The following CADPS variants were observed in gnomAD, a reference collection of about 807,000 sequenced individuals.
CADPS encodes the protein calcium dependent secretion activator.
In CADPS, 57 loss-of-function variants were observed where a neutral mutation model predicts 167.3. That is an observed-to-expected ratio of 0.34 (90% CI 0.28 to 0.42). The LOEUF (loss-of-function observed/expected upper bound fraction) is 0.42, where lower values mean the gene tolerates loss of function less well. CADPS is among the 20% of genes least tolerant of loss of function. CADPS has a pLI of 1.00. For missense variants in CADPS, 1,414 were observed against 1,738.1 expected (o/e 0.81, Z 3.32); for synonymous variants, 676 against 635.3 (o/e 1.06, Z -0.96).
At chr3:62,592,837 G>A (rs1224530731) in intron 6 of CADPS, 89 bp from the exon 7 acceptor site, 2 of 902,526 alleles carry the variant, frequency 2.2e-6, no homozygotes, top group Non-Finnish European at 3.4e-6. Flanking sequence ...GTGAATGCAG[G>A]GTTAACCCAA....
chr3:62,420,861 AACACACACACACACAC>A lies in CADPS; in HGVS notation c.3777+17227_3777+17242del, dbSNP rs775850925. ...TTTTCTCTTTATGGGAGGGAGAACGAACACACACACACACACACACACACACACACACACACACACA... is the reference window on the plus strand; with the variant it reads ...TTTTCTCTTTATGGGAGGGAGAACGAACACACACACACACACACACACACA... On this transcript the variant is annotated intron_variant, in intron 28 of 29. Coordinates refer to ENST00000383710, the MANE Select transcript of CADPS (RefSeq NM_003716.4). This position sits in a 1 kb window ranked among gnomAD's most constrained non-coding sequence, Gnocchi z 4.1. 9.7e-4 allele frequency among the ~76,000 whole-genome samples: 130 copies of A among 133,940 alleles called. 1 individual carries two copies. The highest frequency in any genetic ancestry group is 3.7e-3 in the Middle Eastern group (1 of 272). The allele number at this position is 133,940 out of a possible 152,430, so 87.9% of individuals were successfully genotyped here. A position where few individuals can be genotyped will look rare whatever the true frequency, so the allele number is the denominator to read the frequency against.
chr3:62,838,485 CTG>C (rs2076210857), intron 1 of CADPS, among the ~76,000 whole-genome samples: 4 of 152,098 alleles, frequency 2.6e-5, no homozygotes. Flanking sequence ...TTTAGGGAAT[CTG>C]TGAAATCCCT....
chr3:62,681,712 T>C (rs1182581282), intron 3 of CADPS, among the ~76,000 whole-genome samples: 2 of 152,082 alleles, frequency 1.3e-5, no homozygotes, highest in South Asian at 4.1e-4. Flanking sequence ...TCCCATGTAA[T>C]GCAGTCCCTC....
In CADPS at chr3:62,874,527, G is replaced by A. The variant is rs2083298652; in HGVS notation, c.441+62C>T. 5.2e-6 allele frequency: 7 copies of A among 1,334,090 alleles called. No individual in the cohort carries two copies. The East Asian group carries it at 1.8e-4, about 35-fold the overall frequency. The allele number at this position is 1,334,090 out of a possible 1,614,324, so 82.6% of individuals were successfully genotyped here. A position where few individuals can be genotyped will look rare whatever the true frequency, so the allele number is the denominator to read the frequency against. On this transcript the variant is annotated intron_variant, in intron 1 of 29. Coordinates refer to ENST00000383710, the MANE Select transcript of CADPS (RefSeq NM_003716.4). The surrounding 1 kb of genome is among the most constrained non-coding windows in gnomAD (Gnocchi z 7.1). Reference sequence around the variant, plus strand: ...GCCAGCTGCGCCGCCAGCTCCCATTGTTCACCCCGCCCGCCTGGCGACGTC... The same window carrying A: ...GCCAGCTGCGCCGCCAGCTCCCATTATTCACCCCGCCCGCCTGGCGACGTC...
chr3:62,435,082 T>C (rs2054720754), intron 28 of CADPS, among the ~76,000 whole-genome samples: 1 of 152,218 alleles, frequency 6.6e-6, no homozygotes. Flanking sequence ...GTTAATTTGC[T>C]ATTATTCATT....
Position 62,464,299 on chromosome 3 carries a change from T to G in CADPS, c.3636+1068A>C, listed in dbSNP as rs575754081. On this transcript the variant is annotated intron_variant, in intron 26 of 29. Transcript: ENST00000383710. ...ATCTGTTGGATTCCAAGGACAATAA[T>G]GTGCCATCCACTACCCTGTGCTGGG... is the stretch of plus-strand genomic sequence containing the variant. 2.0e-5 allele frequency among the ~76,000 whole-genome samples: 3 copies of G among 152,342 alleles called. No individual in the cohort carries two copies. The East Asian group carries it at 5.8e-4, about 29-fold the overall frequency.
chr3:62,460,006 T>C (rs931750588), intron 26 of CADPS, among the ~76,000 whole-genome samples: 4 of 152,332 alleles, frequency 2.6e-5, no homozygotes, highest in Admixed American at 6.5e-5. Context: ...AGCTAGTGGA[T>C]AGTTTCTGGA....
At chr3:62,593,815 A>T (rs1053536544) in intron 6 of CADPS, among the ~76,000 whole-genome samples, 6 of 152,120 alleles carry the variant, frequency 3.9e-5, no homozygotes, top group African/African-American at 1.4e-4. Flanking sequence ...ATACTATTTA[A>T]TTTTGCATCT....
intron 1 of CADPS, among the ~76,000 whole-genome samples, chr3:62,841,850 A>G (rs1294444906): frequency 6.6e-6 from 1 of 152,136 alleles, no homozygotes; most frequent in African/African-American, 2.4e-5. Flanking sequence ...TCAATATATT[A>G]TTTCCCTCTG....
intron 24 of CADPS, among the ~76,000 whole-genome samples, chr3:62,472,858 T>C (rs1374999314): frequency 6.6e-6 from 1 of 152,224 alleles, no homozygotes; most frequent in African/African-American, 2.4e-5. Flanking sequence ...CCTTCCTACC[T>C]GAGTCCTTCC....
rs146521070 is a variant in CADPS, at chr3:62,667,642, T to G, written c.889-5248A>C. On this transcript the variant is annotated intron_variant, in intron 3 of 29. Coordinates refer to ENST00000383710, the MANE Select transcript of CADPS (RefSeq NM_003716.4). ...CATTTCTGGAGACACACAACACACA[T>G]GAGCAAGAAATCCTACACCAAGGCA... Among the ~76,000 whole-genome samples the G allele has an allele frequency of 1.6e-3, 244 of 152,182 alleles. 2 individuals carry two copies. The highest frequency in any genetic ancestry group is 5.5e-3 in the African/African-American group (230 of 41,528).
At chr3:62,676,610 A>G (rs2076368922) in intron 3 of CADPS, among the ~76,000 whole-genome samples, 1 of 152,072 alleles carries the variant, frequency 6.6e-6, no homozygotes, top group Admixed American at 6.6e-5. Context: ...CTGTTCAGAG[A>G]TTATTATTGT....
intron 6 of CADPS, among the ~76,000 whole-genome samples, chr3:62,609,146 A>C (rs1257592228): frequency 2.6e-5 from 4 of 152,212 alleles, no homozygotes; most frequent in Admixed American, 1.3e-4. Flanking sequence ...TGGGGTAGAC[A>C]AAGCAGCAAG....
chr3:62,801,515 A>G (rs1425044817), intron 1 of CADPS, among the ~76,000 whole-genome samples: 1 of 152,154 alleles, frequency 6.6e-6, no homozygotes, highest in Non-Finnish European at 1.5e-5. Context: ...GCTTTTATTC[A>G]GGAAAAATAT....
At position 62,601,620 on chromosome 3, in the gene CADPS, G is replaced by A. The variant is rs780451354; in HGVS notation, c.1326-8872C>T. 6.6e-6 allele frequency among the ~76,000 whole-genome samples: 1 copy of A among 152,080 alleles called. No homozygotes were observed. The highest frequency in any genetic ancestry group is 1.9e-4 in the East Asian group (1 of 5,190). ...GCACTCTTAGTTTATTAGAAAATTG[G>A]GGCTTGTGTATCATAGCATTTCAGA... On this transcript the variant is annotated intron_variant, in intron 6 of 29. Coordinates refer to ENST00000383710, the MANE Select transcript of CADPS (RefSeq NM_003716.4). This position sits in a 1 kb window ranked among gnomAD's most constrained non-coding sequence, Gnocchi z 4.3.
chr3:62,480,271 T>C (rs2150797449), intron 22 of CADPS, among the ~76,000 whole-genome samples: 1 of 152,312 alleles, frequency 6.6e-6, no homozygotes, highest in Non-Finnish European at 1.5e-5. Flanking sequence ...TTCATATCTT[T>C]TCAAAAACAG....
intron 2 of CADPS, among the ~76,000 whole-genome samples, chr3:62,757,638 G>A (rs1441896448): frequency 6.6e-6 from 1 of 152,080 alleles, no homozygotes; most frequent in Non-Finnish European, 1.5e-5. Context: ...GATAACAAGG[G>A]GTAAGAAATA....
chr3:62,701,496 C>A (rs2081372575), intron 3 of CADPS, among the ~76,000 whole-genome samples: 2 of 151,588 alleles, frequency 1.3e-5, no homozygotes, highest in African/African-American at 2.4e-5. Context: ...GTAGTCCCAG[C>A]TACTCGGGAG....
chr3:62,543,795 C>T (rs1220301061), intron 11 of CADPS, among the ~76,000 whole-genome samples: 3 of 152,028 alleles, frequency 2.0e-5, no homozygotes, highest in Non-Finnish European at 2.9e-5. Context: ...TTTTCTAACT[C>T]CGTCTAACGT....
Sources: gnomAD v4.1 joint callset for allele counts (sites outside exome capture counted in the v4.1 genomes callset) on GRCh38, gnomAD v4.1.1 for gene constraint, Gnocchi (gnomAD v3.1) non-coding constraint, MANE v1.5 for transcripts, NCBI Gene and HGNC (gene_info 2026-07-23, HGNC 2026-07-21) for gene names.